C10orf67: variants seen among roughly 807,000 people sequenced by gnomAD.
C10orf67 encodes chromosome 10 open reading frame 67.
C10orf67 carries 60 observed loss-of-function variants against 35.6 expected under a neutral mutation model. The ratio of observed to expected loss-of-function variants is 1.68; its 90% CI spans 1.37 to 2.09. The LOEUF (loss-of-function observed/expected upper bound fraction) is 2.09, where lower values mean the gene tolerates loss of function less well. Among genes scored for constraint, C10orf67 ranks in the 30% most tolerant of loss-of-function variants. C10orf67 has a pLI of 0.00. For synonymous variants in C10orf67, 167 were observed against 115.8 expected (o/e 1.44, Z -2.84); for missense variants, 474 against 330.2 (o/e 1.44, Z -3.38).
chr10:23,301,314 T>C (rs1428556777), intron 5 of C10orf67, among the ~76,000 whole-genome samples: 2 of 152,064 alleles, frequency 1.3e-5, no homozygotes, highest in Non-Finnish European at 2.9e-5. Flanking sequence ...GGCAGACCAA[T>C]ATCCCCAACC....
chr10:23,283,134 A>AT (rs1246645681), intron 7 of C10orf67, among the ~76,000 whole-genome samples: 1 of 152,190 alleles, frequency 6.6e-6, no homozygotes, highest in East Asian at 1.9e-4. Context: ...TCATGTGATT[A>AT]TTACACATTC....
chr10:23,271,310 CTCTA>C (rs1384795656), intron 8 of C10orf67, among the ~76,000 whole-genome samples: 1 of 152,198 alleles, frequency 6.6e-6, no homozygotes, highest in Non-Finnish European at 1.5e-5. Flanking sequence ...TTAGACTCCG[CTCTA>C]TCTATTAATG....
At chr10:23,321,257 T>C (rs1807515849) in intron 3 of C10orf67, among the ~76,000 whole-genome samples, 1 of 152,242 alleles carries the variant, frequency 6.6e-6, no homozygotes, top group Non-Finnish European at 1.5e-5. Flanking sequence ...ATTAGATCTG[T>C]TTAGATTAAC....
At chr10:23,297,132 C>T (rs1033805158) in intron 5 of C10orf67, among the ~76,000 whole-genome samples, 3 of 151,994 alleles carry the variant, frequency 2.0e-5, no homozygotes, top group Non-Finnish European at 4.4e-5. Flanking sequence ...AGGGGATTAC[C>T]CCATACTAGA....
At chr10:23,243,584 G>A (rs966240727) in intron 12 of C10orf67, among the ~76,000 whole-genome samples, 2 of 152,044 alleles carry the variant, frequency 1.3e-5, no homozygotes, top group African/African-American at 4.8e-5. Flanking sequence ...CTACTCGGGA[G>A]GCTGAGGCAG....
chr10:23,319,018 T>C lies in C10orf67; in HGVS notation c.546+1723A>G. 8.5e-6 allele frequency: 6 copies of C among 707,136 alleles called. 1 individual carries two copies. In the South Asian group the frequency reaches 9.0e-5, roughly 11 times the overall value. 43.8% of individuals were successfully genotyped at this position (707,136 alleles called of 1,614,324 possible). On this transcript the variant is annotated intron_variant, in intron 4 of 15. Transcript: ENST00000636213. ...CCTTTTTTTTCTTTCCAATTTTTGT[T>C]TTAGGTTCAGAGGGTACATGTACAG...
chr10:23,251,347 T>A (rs1455708932), intron 10 of C10orf67, among the ~76,000 whole-genome samples: 2 of 152,196 alleles, frequency 1.3e-5, no homozygotes, highest in Non-Finnish European at 2.9e-5. Flanking sequence ...GGTCTCTCCA[T>A]CTCTTCGTCA....
At chr10:23,319,898 C>G (rs1055933268) in intron 4 of C10orf67, among the ~76,000 whole-genome samples, 2 of 152,108 alleles carry the variant, frequency 1.3e-5, no homozygotes, top group Admixed American at 6.5e-5. Context: ...TGGAAGTGCC[C>G]CTGTCAGTAA....
chr10:23,223,424 T>C (rs1199534799), intron 15 of C10orf67, among the ~76,000 whole-genome samples, 174 bp downstream of exon 15: 1 of 152,206 alleles, frequency 6.6e-6, no homozygotes, highest in African/African-American at 2.4e-5. Flanking sequence ...CAGAAGTATA[T>C]ATTAGTATTC....
chr10:23,234,936 C>A (rs1340953868), intron 13 of C10orf67, among the ~76,000 whole-genome samples: 32 of 137,060 alleles, frequency 2.3e-4, no homozygotes, highest in Non-Finnish European at 4.0e-4. Context: ...TGCTTGAACC[C>A]GGGAGGCGGA....
Position 23,344,600 on chromosome 10 carries a change from A to G in C10orf67, c.175T>C (p.Phe59Leu). 1 of 1,581,448 alleles carries G rather than the reference A, an allele frequency of 6.3e-7. No homozygotes were observed. The highest frequency in any genetic ancestry group is 2.3e-5 in the East Asian group (1 of 43,058). ...CARRKREAREFKPPQMRGSTR... is the reference protein window; with the variant it reads ...CARRKREARELKPPQMRGSTR... ...GACCCGCGCATTTGCGGGGGCTTGA[A>G]TTCCCGAGCTTCTCGCTTCCTACGC... Residue 59 changes from phenylalanine to leucine, a missense_variant, in exon 1 of 16, where the codon TTC (phenylalanine) becomes CTC (leucine). Transcript: ENST00000636213.
At chr10:23,287,598 T>C (rs1351430927) in intron 7 of C10orf67, among the ~76,000 whole-genome samples, 1 of 152,036 alleles carries the variant, frequency 6.6e-6, no homozygotes, top group African/African-American at 2.4e-5. Context: ...CCAAAAGCAA[T>C]TGCAACAAAA....
chr10:23,269,749 T>C (rs1270350765), intron 8 of C10orf67, among the ~76,000 whole-genome samples: 1 of 151,686 alleles, frequency 6.6e-6, no homozygotes, highest in Non-Finnish European at 1.5e-5. Context: ...TTATATCTAG[T>C]ATAGTAGACT....
intron 4 of C10orf67, among the ~76,000 whole-genome samples, chr10:23,304,983 G>A (rs1441967994): frequency 2.0e-5 from 3 of 152,082 alleles, no homozygotes. Flanking sequence ...CACGTAACTC[G>A]GCTGCAACCC....
intron 8 of C10orf67, among the ~76,000 whole-genome samples, chr10:23,273,101 A>G (rs562487175): frequency 5.3e-5 from 8 of 152,336 alleles, no homozygotes; most frequent in African/African-American, 1.9e-4. Flanking sequence ...AGGATTTCCT[A>G]TAGAGATGAT....
chr10:23,301,584 A>C (rs1450707624), intron 5 of C10orf67, among the ~76,000 whole-genome samples: 1 of 152,034 alleles, frequency 6.6e-6, no homozygotes, highest in Non-Finnish European at 1.5e-5. Flanking sequence ...CCACTTCCAA[A>C]ATGGCAGCAG....
At chr10:23,251,898 A>C (rs1842464582) in intron 10 of C10orf67, among the ~76,000 whole-genome samples, 1 of 152,226 alleles carries the variant, frequency 6.6e-6, no homozygotes, top group Non-Finnish European at 1.5e-5. Flanking sequence ...TGAGACTTAC[A>C]ATATGCTAAC....
intron 15 of C10orf67, among the ~76,000 whole-genome samples, chr10:23,215,623 G>A (rs1841412068): frequency 6.6e-6 from 1 of 152,126 alleles, no homozygotes. Context: ...AGAAGAGGTA[G>A]AAGAGGGTAA....
chr10:23,253,373 G>A (rs1378783796), intron 10 of C10orf67, among the ~76,000 whole-genome samples: 1 of 152,120 alleles, frequency 6.6e-6, no homozygotes, highest in East Asian at 1.9e-4. Flanking sequence ...GTTCTCAAAG[G>A]GCACAATCCA....
Sources: gnomAD v4.1 joint callset for allele counts (sites outside exome capture counted in the v4.1 genomes callset) on GRCh38, gnomAD v4.1.1 for gene constraint, MANE v1.5 for transcripts, NCBI Gene and HGNC (gene_info 2026-07-23, HGNC 2026-07-21) for gene names.